KBTBD12: variants seen among roughly 807,000 people sequenced by gnomAD.
KBTBD12 encodes the protein kelch repeat and BTB domain-containing protein 12.
A neutral mutation model predicts 58.7 loss-of-function variants in KBTBD12; 53 were observed. That is an observed-to-expected ratio of 0.90 (90% CI 0.72 to 1.14). The LOEUF is 1.14. Ranked by LOEUF, KBTBD12 falls within the 50% of genes most tolerant of loss-of-function variation. The pLI is 0.00. For missense variants in KBTBD12, 704 were observed against 751.3 expected, an observed-to-expected ratio of 0.94 and a Z score of 0.74; for synonymous variants, 236 against 259.8, an observed-to-expected ratio of 0.91 and a Z score of 0.88.
intron 4 of KBTBD12, among the ~76,000 whole-genome samples, chr3:127,954,741 T>C (rs938919199): frequency 6.6e-6 from 1 of 152,084 alleles, no homozygotes; most frequent in Non-Finnish European, 1.5e-5. Flanking sequence ...CAGCCTCAGC[T>C]CCTCCTGCCA....
chr3:127,924,314 A>T (rs542368163), intron 2 of KBTBD12, among the ~76,000 whole-genome samples, 183 bp downstream of exon 2: 18 of 148,480 alleles, frequency 1.2e-4, no homozygotes, highest in South Asian at 1.1e-3. Flanking sequence ...GTATACATTT[A>T]TATATATATA....
intron 5 of KBTBD12, among the ~76,000 whole-genome samples, chr3:127,973,754 C>G (rs920449856): frequency 1.3e-5 from 2 of 152,064 alleles, no homozygotes; most frequent in Non-Finnish European, 2.9e-5. Flanking sequence ...ATTCTTTCAC[C>G]TTTTCTGTAT....
intron 5 of KBTBD12, chr3:127,963,692 G>T: frequency 3.9e-6 from 1 of 257,652 alleles, no homozygotes; most frequent in Non-Finnish European, 7.4e-6. Context: ...GTACTTGGGT[G>T]GGAGAATTAA....
At chr3:127,942,662 A>G (rs1939978800) in intron 4 of KBTBD12, among the ~76,000 whole-genome samples, 1 of 148,032 alleles carries the variant, frequency 6.8e-6, no homozygotes, top group South Asian at 2.1e-4. Context: ...ATATAACTAC[A>G]TATAACTATA....
chr3:127,924,557 T>A (rs1338527256), intron 2 of KBTBD12, among the ~76,000 whole-genome samples: 1 of 151,978 alleles, frequency 6.6e-6, no homozygotes, highest in East Asian at 1.9e-4. Context: ...TAGGGTTTAA[T>A]ATACTGCTTT....
At chr3:127,921,593 A>G (rs1298089776) in intron 1 of KBTBD12, among the ~76,000 whole-genome samples, 1 of 152,126 alleles carries the variant, frequency 6.6e-6, no homozygotes, top group African/African-American at 2.4e-5. Flanking sequence ...CTGGATTTCC[A>G]TCAGTAAATT....
In KBTBD12 at chr3:127,984,424, T is replaced by C; in HGVS notation, c.*146T>C. On this transcript the variant is annotated 3_prime_UTR_variant, in exon 6 of 6. Transcript: ENST00000405109. ...GAAGCAGTGTGTGCTGGGCACTGGG[T>C]GGGGAGCATGGGGAGTCTCCCTTCA... 1.5e-6 allele frequency: 1 copy of C among 677,488 alleles called. No homozygotes were observed. Among genetic ancestry groups the C allele is most frequent in the Non-Finnish European group, 2.4e-6 (1 of 411,146 alleles). 42.0% of individuals were successfully genotyped at this position (677,488 alleles called of 1,614,324 possible). A position where few individuals can be genotyped will look rare whatever the true frequency, so the allele number is the denominator to read the frequency against.
At chr3:127,971,049 CTGAACTGCCCATGG>C (rs1261991907) in intron 5 of KBTBD12, among the ~76,000 whole-genome samples, 1 of 152,138 alleles carries the variant, frequency 6.6e-6, no homozygotes, top group Non-Finnish European at 1.5e-5. Context: ...GAGAATTAAG[CTGAACTGCCCATGG>C]TGAGGGTGCT....
At chr3:127,981,954 T>G (rs115676870) in intron 5 of KBTBD12, among the ~76,000 whole-genome samples, 1 of 152,190 alleles carries the variant, frequency 6.6e-6, no homozygotes, top group Non-Finnish European at 1.5e-5. Flanking sequence ...GAAACGAGGC[T>G]GGGCACTTTA....
At chr3:127,940,185 T>G (rs1255646368) in intron 4 of KBTBD12, among the ~76,000 whole-genome samples, 2 of 152,064 alleles carry the variant, frequency 1.3e-5, no homozygotes, top group Non-Finnish European at 2.9e-5. Flanking sequence ...CCTCTCTCAA[T>G]AATAAATAGA....
At chr3:127,961,062 T>C (rs747921790) in intron 4 of KBTBD12, among the ~76,000 whole-genome samples, 2 of 152,198 alleles carry the variant, frequency 1.3e-5, no homozygotes, top group Non-Finnish European at 2.9e-5. Flanking sequence ...TGCTTCCACT[T>C]GCTGGTCTTC....
rs556276551 is a variant in KBTBD12, at chr3:127,986,924, A to C, written c.*2646A>C. 2 of 152,424 alleles carry C rather than the reference A, an allele frequency of 1.3e-5. No individual in the cohort carries two copies. Among genetic ancestry groups the C allele is most frequent in the African/African-American group, 4.8e-5 (2 of 41,566 alleles). The allele number at this position is 152,424 out of a possible 1,614,324, so 9.4% of individuals were successfully genotyped here. A position where few individuals can be genotyped will look rare whatever the true frequency, so the allele number is the denominator to read the frequency against. ...TCAGGACCCTGTGGCAGCTCAGCAG[A>C]GGCACCTGAGGGTCACGCTAGGTGA... On this transcript the variant is annotated 3_prime_UTR_variant, in exon 6 of 6. Coordinates refer to ENST00000405109, the MANE Select transcript of KBTBD12 (RefSeq NM_207335.4).
Position 127,930,216 on chromosome 3 carries a change from G to A in KBTBD12, c.1425G>A (p.Arg475=), listed in dbSNP as rs115580526. 2.3e-3 allele frequency: 3,660 copies of A among 1,609,594 alleles called. 6 individuals are homozygous for A. Among genetic ancestry groups the A allele is most frequent in the Non-Finnish European group, 2.8e-3 (3,355 of 1,177,750 alleles). ...CCAGCCAAGATCAATGGAGTGTGCG[G>A]GCACCCATGAAGTACTCTAAGTACC... ...YDPSQDQWSV[R]APMKYSKYRF... The change falls in exon 4 of 6, where the codon CGG becomes CGA. Residue 475 remains arginine (R), a synonymous_variant. Coordinates refer to ENST00000405109, the MANE Select transcript of KBTBD12 (RefSeq NM_207335.4).
At chr3:127,933,282 T>C (rs1939748130) in intron 4 of KBTBD12, among the ~76,000 whole-genome samples, 1 of 152,134 alleles carries the variant, frequency 6.6e-6, no homozygotes, top group African/African-American at 2.4e-5. Flanking sequence ...TCATTCAACA[T>C]GGTAATACTG....
At position 127,923,875 on chromosome 3, in the gene KBTBD12, G is replaced by C; in HGVS notation, c.814G>C (p.Glu272Gln). The change falls in exon 2 of 6, where the codon GAG becomes CAG. Residue 272 changes from glutamate (E) to glutamine (Q), a missense_variant. By Grantham distance (29) the Glu-to-Gln change is conservative. Coordinates refer to ENST00000405109, the MANE Select transcript of KBTBD12 (RefSeq NM_207335.4). ...QHSLNLRYGM[E>Q]TTSLLLCIGN... Reference sequence around the variant, plus strand: ...CTCTCTAAATCTGCGCTATGGTATGGAGACTACCAGTCTTCTGCTTTGCAT... The same window carrying C: ...CTCTCTAAATCTGCGCTATGGTATGCAGACTACCAGTCTTCTGCTTTGCAT... 1 of 1,613,896 alleles carries C rather than the reference G, an allele frequency of 6.2e-7. No homozygotes were observed. Among genetic ancestry groups the C allele is most frequent in the Non-Finnish European group, 8.5e-7 (1 of 1,179,820 alleles).
chr3:127,918,071 A>T (rs1939299292), intron 1 of KBTBD12, among the ~76,000 whole-genome samples: 1 of 152,200 alleles, frequency 6.6e-6, no homozygotes, highest in Non-Finnish European at 1.5e-5. Context: ...TAAATTAGGC[A>T]TAGTGGTGCA....
At chr3:127,975,745 GAT>G in intron 5 of KBTBD12, among the ~76,000 whole-genome samples, 1 of 152,176 alleles carries the variant, frequency 6.6e-6, no homozygotes, top group East Asian at 1.9e-4. Flanking sequence ...GTTAGCATGA[GAT>G]AGAATTTTCT....
chr3:127,932,643 G>A (rs952064982), intron 4 of KBTBD12, among the ~76,000 whole-genome samples: 3 of 152,122 alleles, frequency 2.0e-5, no homozygotes, highest in African/African-American at 7.2e-5. Flanking sequence ...ACTAGCTTTG[G>A]AGTTGAGTAT....
intron 4 of KBTBD12, among the ~76,000 whole-genome samples, chr3:127,957,635 G>A (rs979981535): frequency 5.9e-5 from 9 of 151,716 alleles, no homozygotes; most frequent in Admixed American, 2.6e-4. Context: ...TGTTTTGACC[G>A]CTCCCCCAAC....
Sources: gnomAD v4.1 joint callset for allele counts (sites outside exome capture counted in the v4.1 genomes callset) on GRCh38, gnomAD v4.1.1 for gene constraint, MANE v1.5 for transcripts, NCBI Gene and HGNC (gene_info 2026-07-23, HGNC 2026-07-21) for gene names.